IL21R: variants seen among roughly 807,000 people sequenced by gnomAD.
IL21R encodes the protein interleukin 21 receptor.
IL21R carries 14 observed loss-of-function variants against 41.3 expected under a neutral mutation model. The ratio of observed to expected loss-of-function variants is 0.34; its 90% CI spans 0.22 to 0.53. The LOEUF (loss-of-function observed/expected upper bound fraction) is 0.53, where lower values mean the gene tolerates loss of function less well. Among genes scored for constraint, IL21R ranks in the 20% least tolerant of loss-of-function variants. IL21R has a pLI of 0.94. For synonymous variants in IL21R, 286 were observed against 287.6 expected, an observed-to-expected ratio of 0.99 and a Z score of 0.05; for missense variants, 588 against 681.6, an observed-to-expected ratio of 0.86 and a Z score of 1.53.
chr16:27,443,163 A>G (rs1278479401), intron 5 of IL21R, 47 bp downstream of exon 5: 1 of 1,512,064 alleles, frequency 6.6e-7, no homozygotes, highest in Non-Finnish European at 8.9e-7. Context: ...GGGAGGGGAG[A>G]TGACGGAGTG....
At chr16:27,426,315 T>A (rs1424207785) in intron 1 of IL21R, among the ~76,000 whole-genome samples, 2 of 152,216 alleles carry the variant, frequency 1.3e-5, no homozygotes, top group African/African-American at 4.8e-5. Flanking sequence ...GATATAATAT[T>A]TTTGAGACAT....
chr16:27,403,269 G>T (rs771664657), intron 1 of IL21R: 3 of 1,315,860 alleles, frequency 2.3e-6, no homozygotes, highest in Non-Finnish European at 2.0e-6. Context: ...AGGAGGGTGG[G>T]GAGGTCAGTG....
At chr16:27,445,152 A>C in intron 6 of IL21R, 25 bp from the exon 7 acceptor site, 1 of 1,556,444 alleles carries the variant, frequency 6.4e-7, no homozygotes, top group African/African-American at 1.4e-5. Flanking sequence ...GGTGCCATTT[A>C]ACCCTTTCTT....
intron 2 of IL21R, among the ~76,000 whole-genome samples, chr16:27,430,324 A>G (rs947007359): frequency 2.0e-5 from 3 of 152,220 alleles, no homozygotes; most frequent in Non-Finnish European, 4.4e-5. Context: ...TCCATGAAAC[A>G]GAAGCGGTAG....
At chr16:27,434,303 C>G in intron 2 of IL21R, 44 bp from the exon 3 acceptor site, 3 of 1,311,526 alleles carry the variant, frequency 2.3e-6, no homozygotes, top group Non-Finnish European at 3.3e-6. Flanking sequence ...TCTGCAGTCC[C>G]AAGCCACCCC....
chr16:27,429,235 TA>T (rs3093296), intron 1 of IL21R, among the ~76,000 whole-genome samples: 1 of 151,368 alleles, frequency 6.6e-6, no homozygotes, highest in Non-Finnish European at 1.5e-5. Flanking sequence ...AAAATAAACA[TA>T]AAAAAGCCAA....
rs1011751438 is a variant in IL21R at position 27,450,300 on chromosome 16, T to C, written c.*1017T>C. 3 of 232,092 alleles carry C rather than the reference T, an allele frequency of 1.3e-5. No individual in the cohort carries two copies. Among genetic ancestry groups the C allele is most frequent in the Non-Finnish European group, 2.6e-5 (3 of 117,324 alleles). 14.4% of individuals were successfully genotyped at this position (232,092 alleles called of 1,614,324 possible). On this transcript the variant is annotated 3_prime_UTR_variant, in exon 9 of 9. Transcript: ENST00000337929. ...TTCCCTTTATGCACCCAAGAGATAT[T>C]TATTAAACACCAATTACGTAGCAGG...
chr16:27,437,640 C>T lies in IL21R; in HGVS notation c.305C>T (p.Ser102Phe), dbSNP rs1180106880. 4 of 1,614,244 alleles carry T rather than the reference C, an allele frequency of 2.5e-6. No homozygotes were observed. The highest frequency in any genetic ancestry group is 4.5e-5 in the East Asian group (2 of 44,888). Residue 102 changes from serine to phenylalanine, a missense_variant, in exon 4 of 9, where the codon TCT (serine) becomes TTT (phenylalanine). Ser to Phe is a radical substitution (Grantham distance 155). Coordinates refer to ENST00000337929, the MANE Select transcript of IL21R (RefSeq NM_181078.3). The stretch of plus-strand genomic sequence containing the variant: ...TTCAGTGTCAACATCACAGACCAGT[C>T]TGGCAACTACTCCCAGGAGTGTGGC... ...DIFSVNITDQSGNYSQECGSF... is the reference protein window; with the variant it reads ...DIFSVNITDQFGNYSQECGSF...
intron 8 of IL21R, chr16:27,448,331 T>C (rs2087521412): frequency 1.8e-6 from 1 of 569,146 alleles, no homozygotes; most frequent in East Asian, 3.0e-5. Flanking sequence ...GACAGGCGCC[T>C]GTAGTCCCAG....
At chr16:27,406,304 C>T (rs1212039009) in intron 1 of IL21R, among the ~76,000 whole-genome samples, 1 of 152,040 alleles carries the variant, frequency 6.6e-6, no homozygotes, top group African/African-American at 2.4e-5. Context: ...GGAGTGAGAT[C>T]TGGCTGCAGA....
At chr16:27,422,980 A>G (rs2087019636) in intron 1 of IL21R, among the ~76,000 whole-genome samples, 1 of 152,182 alleles carries the variant, frequency 6.6e-6, no homozygotes, top group Non-Finnish European at 1.5e-5. Flanking sequence ...GTATTTTCTA[A>G]ATAGCTGGGT....
Position 27,449,250 on chromosome 16 carries a change from G to T in IL21R, c.1584G>T (p.Pro528=), listed in dbSNP as rs370397954. The change falls in exon 9 of 9, where the codon CCG becomes CCT. Residue 528 remains proline (P), a synonymous_variant. Transcript: ENST00000337929. ...SYLRQWVVIP[P]PLSSPGPQAS Reference sequence around the variant, plus strand: ...TCCGCCAGTGGGTGGTCATTCCTCCGCCACTTTCGAGCCCTGGACCCCAGG... The same window carrying T: ...TCCGCCAGTGGGTGGTCATTCCTCCTCCACTTTCGAGCCCTGGACCCCAGG... The T allele has an allele frequency of 6.2e-7, 1 of 1,609,200 alleles. No individual in the cohort carries two copies. The highest frequency in any genetic ancestry group is 1.1e-5 in the South Asian group (1 of 90,516).
Position 27,437,516 on chromosome 16 carries a change from G to A in IL21R, c.181G>A (p.Glu61Lys), listed in dbSNP as rs765293093. 5.6e-6 allele frequency: 9 copies of A among 1,613,922 alleles called. No homozygotes were observed. Among genetic ancestry groups the A allele is most frequent in the East Asian group, 2.2e-5 (1 of 44,896 alleles). Residue 61 changes from glutamate to lysine, a missense_variant, in exon 4 of 9, where the codon GAG becomes AAG. Glu to Lys is a moderately conservative substitution (Grantham distance 56). Coordinates refer to ENST00000337929, the MANE Select transcript of IL21R (RefSeq NM_181078.3). Reference sequence around the variant, plus strand: ...AGACCAGTATGAAGAGCTGAAGGACGAGGCCACCTCCTGCAGCCTCCACAG... The same window carrying A: ...AGACCAGTATGAAGAGCTGAAGGACAAGGCCACCTCCTGCAGCCTCCACAG... Reference protein sequence around the residue: ...WQDQYEELKDEATSCSLHRSA... With the variant: ...WQDQYEELKDKATSCSLHRSA...
In IL21R at chr16:27,413,180, T is replaced by C. The variant is rs79252496; in HGVS notation, c.-17+10562T>C. On this transcript the variant is annotated intron_variant, in intron 1 of 8. Coordinates refer to ENST00000337929, the MANE Select transcript of IL21R (RefSeq NM_181078.3). ...ATGTTTTCTTTATCATGAAAGAGTA[T>C]TGAATTTTTTCAAATACTTTTTCTG... Among the ~76,000 whole-genome samples the C allele has an allele frequency of 0.03, 4,578 of 152,290 alleles. 439 individuals carry two copies. In the East Asian group the frequency reaches 0.32, roughly 11 times the overall value.
At chr16:27,412,417 CTTCT>C (rs993679967) in intron 1 of IL21R, among the ~76,000 whole-genome samples, 1 of 146,506 alleles carries the variant, frequency 6.8e-6, no homozygotes, top group Admixed American at 6.7e-5. Flanking sequence ...CCTTCTTCTT[CTTCT>C]TTTTTTTTTT....
At chr16:27,404,224 C>A (rs889202392) in intron 1 of IL21R, among the ~76,000 whole-genome samples, 1 of 152,134 alleles carries the variant, frequency 6.6e-6, no homozygotes, top group Admixed American at 6.5e-5. Flanking sequence ...GTGTCCGGAT[C>A]CTTACTCAGT....
intron 1 of IL21R, among the ~76,000 whole-genome samples, chr16:27,404,680 C>A (rs1233157021): frequency 6.6e-6 from 1 of 152,186 alleles, no homozygotes; most frequent in African/African-American, 2.4e-5. Context: ...GATGGGGGAA[C>A]TGGAACTGGC....
chr16:27,439,618 C>G (rs2087344368), intron 4 of IL21R, among the ~76,000 whole-genome samples: 2 of 147,124 alleles, frequency 1.4e-5, no homozygotes, highest in Admixed American at 1.3e-4. Flanking sequence ...CACGTGTACA[C>G]TCATGCACAG....
intron 2 of IL21R, among the ~76,000 whole-genome samples, chr16:27,431,970 C>T (rs933022884): frequency 1.4e-5 from 2 of 147,646 alleles, no homozygotes; most frequent in Admixed American, 1.3e-4. Flanking sequence ...GAACGCTGCA[C>T]CACCCCCAGA....
Sources: allele counts gnomAD v4.1 joint callset (sites outside exome capture counted in the v4.1 genomes callset), GRCh38; gene constraint gnomAD v4.1.1; transcripts MANE v1.5; gene names NCBI Gene and HGNC (gene_info 2026-07-23, HGNC 2026-07-21).